Variants in KCNIP4 observed in about 807,000 individuals in gnomAD.
KCNIP4 encodes the protein potassium voltage-gated channel interacting protein 4.
A neutral mutation model predicts 34.0 loss-of-function variants in KCNIP4; 12 were observed. That is an observed-to-expected ratio of 0.35 (90% CI 0.23 to 0.57). The LOEUF is 0.57. Ranked by LOEUF, KCNIP4 falls within the 20% of genes least tolerant of loss-of-function variation. The pLI is 0.83. For synonymous variants in KCNIP4, 124 were observed against 102.2 expected (o/e 1.21, Z -1.29); for missense variants, 238 against 311.7 (o/e 0.76, Z 1.78).
chr4:21,883,131 C>A (rs895507028), intron 1 of KCNIP4, among the ~76,000 whole-genome samples: 1 of 147,538 alleles, frequency 6.8e-6, no homozygotes, highest in Non-Finnish European at 1.5e-5. Context: ...TTTAAATGGA[C>A]AAATTAAAAG....
intron 1 of KCNIP4, among the ~76,000 whole-genome samples, chr4:21,538,155 A>G (rs1209913668): frequency 6.6e-6 from 1 of 152,030 alleles, no homozygotes; most frequent in Non-Finnish European, 1.5e-5. Context: ...ATTACCACCA[A>G]CCATCAGAAG....
chr4:21,641,138 G>C (rs1746585865), intron 1 of KCNIP4, among the ~76,000 whole-genome samples: 1 of 152,206 alleles, frequency 6.6e-6, no homozygotes, highest in South Asian at 2.1e-4. Context: ...AAACCAAGAA[G>C]TGGTATATAT....
rs533006658 is a variant in KCNIP4, at chr4:21,360,391, G to A, written c.62-477682C>T. ...AAAAAACAAGAATATAAAGAGGCTT[G>A]CTTATCTATTGAAGTAAAAGTAATT... On this transcript the variant is annotated intron_variant, in intron 1 of 8. Coordinates refer to ENST00000382152, the MANE Select transcript of KCNIP4 (RefSeq NM_025221.6). 3.6e-4 allele frequency among the ~76,000 whole-genome samples: 54 copies of A among 152,074 alleles called. No homozygotes were observed. The South Asian group carries it at 6.5e-3, about 18-fold the overall frequency.
At chr4:21,092,620 A>G (rs1302730425) in intron 1 of KCNIP4, among the ~76,000 whole-genome samples, 1 of 147,540 alleles carries the variant, frequency 6.8e-6, no homozygotes, top group Non-Finnish European at 1.5e-5. Flanking sequence ...ATTCCTGGAA[A>G]TATGCTCCTT....
chr4:21,434,765 T>TCG (rs1560402211), intron 1 of KCNIP4, among the ~76,000 whole-genome samples: 1 of 106,760 alleles, frequency 9.4e-6, no homozygotes, highest in East Asian at 3.2e-4. Flanking sequence ...ACCCTGTCTG[T>TCG]GGGGGGAAAA....
Position 20,909,186 on chromosome 4 carries a change from T to A in KCNIP4, c.62-26477A>T, listed in dbSNP as rs1728089951. Among the ~76,000 whole-genome samples the A allele has an allele frequency of 2.0e-5, 3 of 152,296 alleles. No individual in the cohort carries two copies. In the South Asian group the frequency reaches 6.2e-4, roughly 32 times the overall value. On this transcript the variant is annotated intron_variant, in intron 1 of 8. Coordinates refer to ENST00000382152, the MANE Select transcript of KCNIP4 (RefSeq NM_025221.6). ...ATAGACTAGAAAATCATATATGAAA[T>A]TGTTACTGGTGGTTGCCTTTGGAAT...
chr4:20,948,617 T>G (rs941437066), intron 1 of KCNIP4, among the ~76,000 whole-genome samples: 2 of 152,216 alleles, frequency 1.3e-5, no homozygotes, highest in African/African-American at 4.8e-5. Flanking sequence ...AGCACACCGT[T>G]CAGGACGTGG....
At chr4:21,512,176 GGAAGGAAC>G (rs1310847218) in intron 1 of KCNIP4, among the ~76,000 whole-genome samples, 2,584 of 146,708 alleles carry the variant, frequency 0.018, 94 homozygotes, top group African/African-American at 0.062. Context: ...GAGGGAGGAA[GGAAGGAAC>G]GAACGAAGGA....
intron 1 of KCNIP4, among the ~76,000 whole-genome samples, chr4:21,789,830 G>T (rs1267433709): frequency 1.3e-5 from 2 of 152,180 alleles, no homozygotes; most frequent in Non-Finnish European, 1.5e-5. Context: ...AAATAAACAT[G>T]ATGTCTAAGG....
intron 3 of KCNIP4, among the ~76,000 whole-genome samples, chr4:20,786,158 G>A (rs1262475756): frequency 1.3e-5 from 2 of 152,106 alleles, no homozygotes; most frequent in Non-Finnish European, 2.9e-5. Flanking sequence ...CGTGGATGCA[G>A]CTGGAGGACA....
chr4:21,054,880 G>A (rs1743270516), intron 1 of KCNIP4, among the ~76,000 whole-genome samples: 2 of 152,042 alleles, frequency 1.3e-5, no homozygotes, highest in Non-Finnish European at 2.9e-5. Context: ...AGATACAACA[G>A]CAAAGGCATG....
chr4:21,361,037 A>G (rs200688268), intron 1 of KCNIP4, among the ~76,000 whole-genome samples: 2 of 121,762 alleles, frequency 1.6e-5, no homozygotes, highest in African/African-American at 7.7e-5. Flanking sequence ...CATTATCGTC[A>G]TCATCATCAT....
intron 1 of KCNIP4, among the ~76,000 whole-genome samples, chr4:21,258,779 G>T (rs1214534285): frequency 6.6e-6 from 1 of 152,074 alleles, no homozygotes; most frequent in East Asian, 1.9e-4. Context: ...CTACTGGAAT[G>T]CTTTTAGCCT....
chr4:21,200,348 ATG>A (rs1181437365), intron 1 of KCNIP4, among the ~76,000 whole-genome samples: 8 of 93,674 alleles, frequency 8.5e-5, no homozygotes, highest in Admixed American at 7.0e-4. Context: ...ACATACATAT[ATG>A]TGTGTATATA....
At chr4:21,227,490 T>C (rs1003756734) in intron 1 of KCNIP4, among the ~76,000 whole-genome samples, 1 of 152,164 alleles carries the variant, frequency 6.6e-6, no homozygotes, top group African/African-American at 2.4e-5. Context: ...AGAGTTTTTT[T>C]GAAGCATGCA....
At chr4:21,610,320 G>A (rs1299175790) in intron 1 of KCNIP4, among the ~76,000 whole-genome samples, 1 of 152,216 alleles carries the variant, frequency 6.6e-6, no homozygotes, top group African/African-American at 2.4e-5. Context: ...TCCTTGGCTT[G>A]AAGATGGCTA....
intron 1 of KCNIP4, among the ~76,000 whole-genome samples, chr4:21,812,154 G>A (rs1453893141): frequency 6.6e-6 from 1 of 152,096 alleles, no homozygotes; most frequent in Non-Finnish European, 1.5e-5. Context: ...TCTACAAAAA[G>A]AGGCTACTTT....
chr4:21,029,827 C>A (rs903373635), intron 1 of KCNIP4, among the ~76,000 whole-genome samples: 1 of 152,184 alleles, frequency 6.6e-6, no homozygotes, highest in Non-Finnish European at 1.5e-5. Flanking sequence ...AGGCCTTTGA[C>A]TTAATGTAAT....
intron 1 of KCNIP4, chr4:21,845,877 T>G (rs1723983318): frequency 6.6e-6 from 1 of 152,084 alleles, no homozygotes. Flanking sequence ...ATTTTAGTTT[T>G]TAGTAAGTAT....
Sources: allele counts gnomAD v4.1 joint callset (sites outside exome capture counted in the v4.1 genomes callset), GRCh38; gene constraint gnomAD v4.1.1; transcripts MANE v1.5; gene names NCBI Gene and HGNC (gene_info 2026-07-23, HGNC 2026-07-21).